EIF3B: variants seen among roughly 807,000 people sequenced by gnomAD.
EIF3B encodes eukaryotic translation initiation factor 3 subunit B.
In EIF3B, 10 loss-of-function variants were observed where a neutral mutation model predicts 104.6. That is an observed-to-expected ratio of 0.10 (90% CI 0.06 to 0.16). EIF3B has a LOEUF of 0.16. EIF3B is among the 10% of genes least tolerant of loss of function. The probability of loss-of-function intolerance (pLI) is 1.00; values close to 1 mark genes in which losing one functional copy is unlikely to be tolerated. For missense variants in EIF3B, 1,014 were observed against 1,087.9 expected (o/e 0.93, Z 0.96); for synonymous variants, 542 against 417.2 (o/e 1.30, Z -3.65).
intron 1 of EIF3B, among the ~76,000 whole-genome samples, chr7:2,357,757 G>C (rs749846093): frequency 9.9e-5 from 15 of 152,226 alleles, no homozygotes; most frequent in Non-Finnish European, 2.1e-4. Context: ...TCAAGGCGTT[G>C]TGTCTTCATG....
chr7:2,372,884 A>G, intron 12 of EIF3B, 89 bp downstream of exon 12: 2 of 1,468,010 alleles, frequency 1.4e-6, no homozygotes, highest in South Asian at 2.7e-5. Context: ...TGACTGGCCT[A>G]GGACCACTGC....
At chr7:2,356,252 C>T (rs1184879342) in intron 1 of EIF3B, among the ~76,000 whole-genome samples, 1 of 152,048 alleles carries the variant, frequency 6.6e-6, no homozygotes, top group African/African-American at 2.4e-5. Flanking sequence ...ATGTAGCCAG[C>T]GATACACCAG....
intron 11 of EIF3B, among the ~76,000 whole-genome samples, chr7:2,372,442 C>T (rs77025530): frequency 0.013 from 2,017 of 152,266 alleles, 42 homozygotes; most frequent in African/African-American, 0.046. Flanking sequence ...GTGTCCTGCT[C>T]TCAGGAAGGG....
At chr7:2,372,905 G>C in intron 12 of EIF3B, 110 bp downstream of exon 12, 1 of 1,257,572 alleles carries the variant, frequency 8.0e-7, no homozygotes, top group Non-Finnish European at 1.1e-6. Context: ...TGGGCAGGCC[G>C]GGACTCGCCT....
intron 5 of EIF3B, among the ~76,000 whole-genome samples, chr7:2,364,078 G>A (rs60498742): frequency 0.023 from 3,539 of 152,188 alleles, 138 homozygotes; most frequent in African/African-American, 0.081. Flanking sequence ...TGGCTAACAC[G>A]GTGAAACCCC....
chr7:2,369,347 C>T (rs1302681699), intron 9 of EIF3B, 125 bp from the exon 10 acceptor site: 53 of 1,006,952 alleles, frequency 5.3e-5, no homozygotes, highest in Admixed American at 1.4e-4. Context: ...GCAGAGGGAG[C>T]GCTCAGCGTC....
intron 16 of EIF3B, 56 bp from the exon 17 acceptor site, chr7:2,379,076 TCG>T: frequency 6.7e-7 from 1 of 1,503,188 alleles, no homozygotes; most frequent in Non-Finnish European, 9.2e-7. Context: ...TGTGGGCTCT[TCG>T]CGATGGGGAG....
intron 10 of EIF3B, 57 bp downstream of exon 10, chr7:2,369,739 C>T (rs973827463): frequency 6.9e-6 from 9 of 1,313,000 alleles, no homozygotes; most frequent in Non-Finnish European, 9.8e-6. Flanking sequence ...GAAGTGGCCA[C>T]CGTATTGTTT....
chr7:2,364,870 A>G (rs977987934), intron 6 of EIF3B, among the ~76,000 whole-genome samples: 8 of 152,170 alleles, frequency 5.3e-5, no homozygotes, highest in Admixed American at 2.0e-4. Flanking sequence ...ATGTATTGCC[A>G]TATTCTGATT....
chr7:2,357,592 C>A (rs922862139), intron 1 of EIF3B, among the ~76,000 whole-genome samples: 1 of 152,160 alleles, frequency 6.6e-6, no homozygotes, highest in Non-Finnish European at 1.5e-5. Context: ...TTCAGCTGAT[C>A]CAGGATTTTA....
At chr7:2,374,447 A>G in intron 12 of EIF3B, 81 bp from the exon 13 acceptor site, 1 of 1,401,714 alleles carries the variant, frequency 7.1e-7, no homozygotes, top group Non-Finnish European at 1.0e-6. Context: ...CAGCATGAGC[A>G]CGGCCAAGTC....
intron 1 of EIF3B, among the ~76,000 whole-genome samples, chr7:2,360,151 A>G (rs1331574074): frequency 6.6e-6 from 1 of 152,144 alleles, no homozygotes; most frequent in Non-Finnish European, 1.5e-5. Context: ...GAGAAGAGTT[A>G]CTACTTTCAT....
At position 2,374,427 on chromosome 7, in the gene EIF3B, C is replaced by T. The variant is rs2115329830; in HGVS notation, c.1811-101C>T. The T allele has an allele frequency of 4.6e-6, 5 of 1,097,028 alleles. 1 individual carries two copies. The South Asian group carries it at 5.6e-5, about 12-fold the overall frequency. The allele number at this position is 1,097,028 out of a possible 1,614,324, so 68.0% of individuals were successfully genotyped here. Reference sequence around the variant, plus strand: ...AGGTGGTCCAGCATTACCAGCTCTGCCCTCATGGGCAGCATGAGCACGGCC... The same window carrying T: ...AGGTGGTCCAGCATTACCAGCTCTGTCCTCATGGGCAGCATGAGCACGGCC... On this transcript the variant is annotated intron_variant, in intron 12 of 18. Transcript: ENST00000360876.
chr7:2,369,353 G>C, intron 9 of EIF3B, 119 bp from the exon 10 acceptor site: 1 of 1,096,936 alleles, frequency 9.1e-7, no homozygotes, highest in African/African-American at 1.6e-5. Flanking sequence ...GGAGCGCTCA[G>C]CGTCAGCTGT....
At position 2,366,786 on chromosome 7, in the gene EIF3B, C is replaced by T. The variant is rs553576108; in HGVS notation, c.1356+195C>T. 1.7e-5 allele frequency: 14 copies of T among 800,696 alleles called. No homozygotes were observed. In the East Asian group the frequency reaches 1.8e-4, roughly 10 times the overall value. The allele number at this position is 800,696 out of a possible 1,614,324, so 49.6% of individuals were successfully genotyped here. On this transcript the variant is annotated intron_variant, in intron 8 of 18. Coordinates refer to ENST00000360876, the MANE Select transcript of EIF3B (RefSeq NM_001037283.2). The stretch of plus-strand genomic sequence containing the variant: ...GTCACTCCTGCCCACCTGGCGCAGC[C>T]GTGGGAAGTCCTGGATGGGAGTTAA...
intron 4 of EIF3B, among the ~76,000 whole-genome samples, chr7:2,363,356 G>A (rs1415158477): frequency 6.6e-6 from 1 of 152,096 alleles, no homozygotes; most frequent in Admixed American, 6.5e-5. Context: ...CTACCTGGGA[G>A]GCTGAGGGGG....
At chr7:2,355,566 G>A (rs2115268515) in intron 1 of EIF3B, 146 bp downstream of exon 1, 1 of 1,204,382 alleles carries the variant, frequency 8.3e-7, no homozygotes, top group Non-Finnish European at 1.1e-6. Context: ...CACCGAGGGA[G>A]GGGTTCCCGA....
chr7:2,370,870 C>G (rs1034158715), intron 10 of EIF3B, among the ~76,000 whole-genome samples: 1 of 151,996 alleles, frequency 6.6e-6, no homozygotes, highest in Non-Finnish European at 1.5e-5. Context: ...GTCAGGAGAT[C>G]GAGGGTTTAG....
chr7:2,363,200 C>A, intron 4 of EIF3B, 73 bp downstream of exon 4: 2 of 1,462,200 alleles, frequency 1.4e-6, no homozygotes, highest in Non-Finnish European at 1.9e-6. Context: ...CACCTGCAAT[C>A]CCAGCACTTA....
Sources: gnomAD v4.1 joint callset for allele counts (sites outside exome capture counted in the v4.1 genomes callset) on GRCh38, gnomAD v4.1.1 for gene constraint, MANE v1.5 for transcripts, NCBI Gene and HGNC (gene_info 2026-07-23, HGNC 2026-07-21) for gene names.